TMEM200C: variants seen among roughly 807,000 people sequenced by gnomAD.
TMEM200C encodes transmembrane protein TTMA.
For synonymous variants in TMEM200C, 462 were observed against 324.7 expected, an observed-to-expected ratio of 1.42 and a Z score of -4.55; for missense variants, 966 against 699.9, an observed-to-expected ratio of 1.38 and a Z score of -4.29.
chr18:5,890,732 G>C, exon 3 of TMEM200C: 1 of 547,498 alleles, frequency 1.8e-6, no homozygotes, highest in Middle Eastern at 4.7e-4. Context: ...CCGCTACCGC[G>C]CCCTCGGGCT....
exon 3 of TMEM200C, chr18:5,886,572 TA>T (rs1394324593): frequency 1.3e-5 from 2 of 152,208 alleles, no homozygotes; most frequent in Non-Finnish European, 2.9e-5. Context: ...TGTCCCTAAC[TA>T]CTGAGTAGTA....
intron 2 of TMEM200C, among the ~76,000 whole-genome samples, chr18:5,894,745 G>A (rs778456438): frequency 4.5e-4 from 69 of 152,338 alleles, no homozygotes; most frequent in Non-Finnish European, 6.8e-4. Flanking sequence ...CTGGCCCCTG[G>A]CTTTGGTCTG....
chr18:5,884,498 T>G (rs530627861), exon 3 of TMEM200C: 1 of 152,314 alleles, frequency 6.6e-6, no homozygotes, highest in African/African-American at 2.4e-5. Context: ...AGAAATTGTG[T>G]CTTTCACAGA....
chr18:5,888,703 C>A (rs1022053294), exon 3 of TMEM200C: 1 of 152,190 alleles, frequency 6.6e-6, no homozygotes, highest in Admixed American at 6.5e-5. Context: ...ATTACAATAA[C>A]CCCCATCTAT....
exon 3 of TMEM200C, chr18:5,890,335 C>T (rs746565050): frequency 3.5e-5 from 56 of 1,604,072 alleles, no homozygotes; most frequent in South Asian, 3.0e-4. Context: ...TGGCTGGCAC[C>T]CTCCGGCGAG....
exon 3 of TMEM200C, chr18:5,892,115 G>A: frequency 6.5e-7 from 1 of 1,534,340 alleles, no homozygotes; most frequent in Non-Finnish European, 8.8e-7. Flanking sequence ...CTTGCACAGG[G>A]AGGGCGCCAA....
chr18:5,895,731 G>C (rs2095175646), intron 1 of TMEM200C: 1 of 150,712 alleles, frequency 6.6e-6, no homozygotes, highest in African/African-American at 2.4e-5. Context: ...GCCGGCACGG[G>C]GCGCTCGGGC....
At chr18:5,884,991 G>C (rs1369525477) in exon 3 of TMEM200C, 6 of 151,956 alleles carry the variant, frequency 3.9e-5, no homozygotes, top group African/African-American at 1.4e-4. Flanking sequence ...ATGTTGTGTT[G>C]AATTTCTTAA....
At chr18:5,883,049 ATCT>A (rs1209391177) in exon 3 of TMEM200C, 1 of 152,000 alleles carries the variant, frequency 6.6e-6, no homozygotes, top group African/African-American at 2.4e-5. Flanking sequence ...CCAATTTTTA[ATCT>A]TCTTACCAAT....
exon 3 of TMEM200C, chr18:5,883,715 G>C (rs541968983): frequency 6.7e-6 from 1 of 149,416 alleles, no homozygotes; most frequent in Admixed American, 6.6e-5. Context: ...ATGACCTGTG[G>C]CTTGATAGAA....
exon 3 of TMEM200C, chr18:5,890,387 T>A: frequency 1.3e-6 from 2 of 1,584,472 alleles, no homozygotes; most frequent in Non-Finnish European, 1.7e-6. Flanking sequence ...CAGCAGAGTC[T>A]CGCGTTTGAC....
chr18:5,890,454 T>C (rs1431661104), exon 3 of TMEM200C: 3 of 1,578,646 alleles, frequency 1.9e-6, no homozygotes, highest in Admixed American at 1.8e-5. Context: ...CAGGGGTGTG[T>C]AGCCCTTATT....
chr18:5,892,041 A>G, exon 3 of TMEM200C: 1 of 1,613,530 alleles, frequency 6.2e-7, no homozygotes, highest in Non-Finnish European at 8.5e-7. Context: ...GGAAATCCTT[A>G]GCAGGCCGCC....
exon 3 of TMEM200C, chr18:5,888,810 GA>G (rs1422678000): frequency 6.6e-6 from 1 of 152,174 alleles, no homozygotes; most frequent in Non-Finnish European, 1.5e-5. Context: ...AGCTCCATGA[GA>G]TATGTCTGGT....
Position 5,891,269 on chromosome 18 carries a change from G to C in TMEM200C, c.795C>G (p.Gly265=). 1 of 1,408,234 alleles carries C rather than the reference G, an allele frequency of 7.1e-7. No individual in the cohort carries two copies. The highest frequency in any genetic ancestry group is 9.3e-7 in the Non-Finnish European group (1 of 1,076,612). The allele number at this position is 1,408,234 out of a possible 1,614,324, so 87.2% of individuals were successfully genotyped here. ...CGAAGGCGTCCCCGGAGCCACCGCA[G>C]CCCCCGGGCTTCAGCTCCAGGCCCC... is the stretch of plus-strand genomic sequence containing the variant. The change falls in exon 3 of 3, where the codon GGC becomes GGG. Residue 265 remains glycine (G), a synonymous_variant. Transcript: ENST00000581347. The surrounding 1 kb of genome is among the most constrained non-coding windows in gnomAD (Gnocchi z 4.7).
chr18:5,891,393 G>A lies in TMEM200C; in HGVS notation c.671C>T (p.Ala224Val). 1 of 1,349,018 alleles carries A rather than the reference G, an allele frequency of 7.4e-7. No individual in the cohort carries two copies. The highest frequency in any genetic ancestry group is 2.1e-5 in the South Asian group (1 of 48,396). The allele number at this position is 1,349,018 out of a possible 1,614,324, so 83.6% of individuals were successfully genotyped here. A position where few individuals can be genotyped will look rare whatever the true frequency, so the allele number is the denominator to read the frequency against. The change falls in exon 3 of 3, where the codon GCC becomes GTC. Residue 224 changes from alanine to valine, a missense_variant. Ala to Val is a moderately conservative substitution (Grantham distance 64). Coordinates refer to ENST00000581347, the Ensembl canonical transcript of TMEM200C. The surrounding 1 kb of genome is among the most constrained non-coding windows in gnomAD (Gnocchi z 4.7). ...CGAAGAGGCGGCGGCGGCCGCGGCG[G>A]CGGCCGCGGCGGCCGCCAGGTCTTT...
chr18:5,890,550 G>T, exon 3 of TMEM200C: 3 of 1,451,162 alleles, frequency 2.1e-6, no homozygotes, highest in Non-Finnish European at 9.1e-7. Flanking sequence ...TGGCGAGGGG[G>T]AGGCGGCCTT....
chr18:5,890,623 G>A (rs1334327747), exon 3 of TMEM200C: 12 of 955,388 alleles, frequency 1.3e-5, no homozygotes, highest in Non-Finnish European at 1.4e-5. Flanking sequence ...GGGGACGGCG[G>A]CGCCCGGTAG....
exon 3 of TMEM200C, chr18:5,884,948 A>G (rs2144429918): frequency 6.6e-6 from 1 of 152,302 alleles, no homozygotes. Context: ...TTTAGCATTT[A>G]CTAGTATCAA....
Sources: allele counts gnomAD v4.1 joint callset (sites outside exome capture counted in the v4.1 genomes callset), GRCh38; gene constraint gnomAD v4.1.1; non-coding constraint Gnocchi (gnomAD v3.1); transcripts MANE v1.5; gene names NCBI Gene and HGNC (gene_info 2026-07-23, HGNC 2026-07-21).